The following PACRG variants were observed in gnomAD, a reference collection of about 807,000 sequenced individuals.
PACRG encodes the protein parkin coregulated gene protein.
In PACRG, 29 loss-of-function variants were observed where a neutral mutation model predicts 29.7. That is an observed-to-expected ratio of 0.98 (90% CI 0.73 to 1.33). The LOEUF (loss-of-function observed/expected upper bound fraction) is 1.33. Among genes scored for constraint, PACRG ranks in the 40% most tolerant of loss-of-function variants. The pLI is 0.00. For missense variants in PACRG, 279 were observed against 316.2 expected (o/e 0.88, Z 0.89); for synonymous variants, 116 against 118.7 (o/e 0.98, Z 0.15).
At chr6:163,309,283 G>A (rs547690490) in intron 4 of PACRG, among the ~76,000 whole-genome samples, 7 of 152,344 alleles carry the variant, frequency 4.6e-5, no homozygotes, top group African/African-American at 1.7e-4. Flanking sequence ...CGAGGCCTCC[G>A]CAGCTATTTA....
At chr6:162,933,121 A>G (rs1255383643) in intron 2 of PACRG, among the ~76,000 whole-genome samples, 1 of 152,058 alleles carries the variant, frequency 6.6e-6, no homozygotes, top group African/African-American at 2.4e-5. Context: ...TCATAGACCC[A>G]TTTGTCATTC....
At chr6:162,749,328 A>G (rs976725419) in intron 1 of PACRG, among the ~76,000 whole-genome samples, 2 of 152,176 alleles carry the variant, frequency 1.3e-5, no homozygotes, top group African/African-American at 4.8e-5. Flanking sequence ...GAGAGGATCA[A>G]AACTCCACCA....
intron 2 of PACRG, among the ~76,000 whole-genome samples, chr6:163,024,699 A>G (rs1002958646): frequency 6.7e-6 from 1 of 149,796 alleles, no homozygotes; most frequent in Non-Finnish European, 1.5e-5. Context: ...CCTCCAATCC[A>G]TGAACATGAG....
chr6:163,065,047 C>T (rs755272373), intron 3 of PACRG, among the ~76,000 whole-genome samples: 5 of 152,026 alleles, frequency 3.3e-5, no homozygotes, highest in African/African-American at 4.8e-5. Context: ...AAGAATCCAC[C>T]GTTCTTTCTC....
intron 4 of PACRG, among the ~76,000 whole-genome samples, chr6:163,192,956 A>G (rs1229206410): frequency 6.6e-6 from 1 of 152,196 alleles, no homozygotes; most frequent in Non-Finnish European, 1.5e-5. Flanking sequence ...ACTTCTTACC[A>G]TTCTACAACC....
chr6:163,156,824 A>C (rs1778340504), intron 4 of PACRG, among the ~76,000 whole-genome samples: 1 of 152,054 alleles, frequency 6.6e-6, no homozygotes, highest in African/African-American at 2.4e-5. Context: ...CTTCAAAGCC[A>C]GCAACGTTGC....
intron 2 of PACRG, among the ~76,000 whole-genome samples, chr6:162,907,000 G>A (rs1795977097): frequency 6.6e-6 from 1 of 152,152 alleles, no homozygotes; most frequent in South Asian, 2.1e-4. Context: ...GAGGAGCTAA[G>A]GTTGCTAGGG....
intron 2 of PACRG, among the ~76,000 whole-genome samples, chr6:162,978,902 A>G (rs1802177790): frequency 6.6e-6 from 1 of 152,204 alleles, no homozygotes; most frequent in South Asian, 2.1e-4. Context: ...CCTTAGAAGA[A>G]TTGGATGAAA....
chr6:162,940,465 T>G (rs1798540068), intron 2 of PACRG, among the ~76,000 whole-genome samples: 1 of 152,180 alleles, frequency 6.6e-6, no homozygotes, highest in Non-Finnish European at 1.5e-5. Context: ...CTTTCTCTTC[T>G]TCCTTTCTGT....
chr6:163,143,548 G>C (rs1044605936), intron 4 of PACRG, among the ~76,000 whole-genome samples: 4 of 151,994 alleles, frequency 2.6e-5, no homozygotes, highest in Non-Finnish European at 5.9e-5. Context: ...GACAGCCCAG[G>C]AAGGCCTTCA....
intron 4 of PACRG, among the ~76,000 whole-genome samples, chr6:163,101,624 C>T (rs1442658653): frequency 6.6e-6 from 1 of 152,018 alleles, no homozygotes; most frequent in Non-Finnish European, 1.5e-5. Flanking sequence ...CTGTTAGGAC[C>T]ATAGACAACC....
chr6:163,302,528 GCTAA>G (rs1367583076), intron 4 of PACRG, among the ~76,000 whole-genome samples: 1 of 152,194 alleles, frequency 6.6e-6, no homozygotes, highest in African/African-American at 2.4e-5. Context: ...TTTCAGAGCA[GCTAA>G]CTGAGTTCAG....
At chr6:162,856,581 G>A (rs1364331946) in intron 2 of PACRG, among the ~76,000 whole-genome samples, 1 of 118,656 alleles carries the variant, frequency 8.4e-6, no homozygotes, top group Admixed American at 8.6e-5. Flanking sequence ...TAGGTGAGCG[G>A]CACGTCTCGA....
intron 2 of PACRG, among the ~76,000 whole-genome samples, chr6:162,937,077 T>G (rs1020528803): frequency 6.6e-6 from 1 of 152,156 alleles, no homozygotes; most frequent in African/African-American, 2.4e-5. Flanking sequence ...GATTTGAAGT[T>G]CAAAAGAAAG....
chr6:163,241,382 A>G lies in PACRG; in HGVS notation c.614-73445A>G, dbSNP rs146566961. On this transcript the variant is annotated intron_variant, in intron 4 of 4. Transcript: ENST00000366888. Reference sequence around the variant, plus strand: ...GGATGGCAGGTTCAATTACAAAGCTAAGTCTTGAACTTTATGTTCATTTCG... The same window carrying G: ...GGATGGCAGGTTCAATTACAAAGCTGAGTCTTGAACTTTATGTTCATTTCG... 3.3e-3 allele frequency among the ~76,000 whole-genome samples: 507 copies of G among 152,326 alleles called. 2 individuals are homozygous for G. The highest frequency in any genetic ancestry group is 0.011 in the African/African-American group (474 of 41,570).
chr6:162,936,685 A>C (rs1204267328), intron 2 of PACRG, among the ~76,000 whole-genome samples: 1 of 152,142 alleles, frequency 6.6e-6, no homozygotes, highest in Non-Finnish European at 1.5e-5. Flanking sequence ...TGCTTTGTTA[A>C]GCATGCATTC....
At chr6:163,126,369 C>T (rs1348875611) in intron 4 of PACRG, among the ~76,000 whole-genome samples, 1 of 152,186 alleles carries the variant, frequency 6.6e-6, no homozygotes, top group African/African-American at 2.4e-5. Context: ...CTGTTGAATA[C>T]ATTAATCCCC....
At position 162,785,781 on chromosome 6, in the gene PACRG, A is replaced by C. The variant is rs564566671; in HGVS notation, c.157-28366A>C. 6.6e-5 allele frequency among the ~76,000 whole-genome samples: 10 copies of C among 152,308 alleles called. No individual in the cohort carries two copies. The South Asian group carries it at 1.5e-3, about 22-fold the overall frequency. On this transcript the variant is annotated intron_variant, in intron 1 of 4. Coordinates refer to ENST00000366888, the MANE Select transcript of PACRG (RefSeq NM_001080379.2). ...CTCAGGCGGTAATGCTGGCTTGCCC[A>C]CTGCTCACCTGCTATGCGGCCCAGT...
intron 4 of PACRG, among the ~76,000 whole-genome samples, chr6:163,159,668 A>G (rs1370499403): frequency 6.6e-6 from 1 of 152,164 alleles, no homozygotes; most frequent in Non-Finnish European, 1.5e-5. Flanking sequence ...CAGGGGTGAC[A>G]TTGACCCAAT....
Sources: gnomAD v4.1 joint callset for allele counts (sites outside exome capture counted in the v4.1 genomes callset) on GRCh38, gnomAD v4.1.1 for gene constraint, MANE v1.5 for transcripts, NCBI Gene and HGNC (gene_info 2026-07-23, HGNC 2026-07-21) for gene names.